Variants in P2RY12 observed in about 807,000 individuals in gnomAD.
P2RY12 encodes purinergic receptor P2Y12.
P2RY12 carries 3 observed loss-of-function variants against 4.5 expected under a neutral mutation model. The ratio of observed to expected loss-of-function variants is 0.67; its 90% CI spans 0.31 to 1.74. P2RY12 has a LOEUF of 1.74. Among genes scored for constraint, P2RY12 ranks in the 40% most tolerant of loss-of-function variants. P2RY12 has a pLI of 0.09. For synonymous variants in P2RY12, 148 were observed against 154.1 expected (o/e 0.96, Z 0.29); for missense variants, 356 against 407.8 (o/e 0.87, Z 1.09).
rs547261054 is a variant in P2RY12 at position 151,340,606 on chromosome 3, T to C, written c.-25A>G. The C allele has an allele frequency of 3.4e-4, 52 of 152,718 alleles. No homozygotes were observed. The highest frequency in any genetic ancestry group is 1.3e-3 in the African/African-American group (52 of 41,578). 9.5% of individuals were successfully genotyped at this position (152,718 alleles called of 1,614,324 possible). On this transcript the variant is annotated 5_prime_UTR_variant, in exon 2 of 3. Coordinates refer to ENST00000302632, the MANE Select transcript of P2RY12 (RefSeq NM_022788.5). The stretch of plus-strand genomic sequence containing the variant: ...TAGAAATAACATTACCTGATAACTG[T>C]TGATTCTGGAGGGTTTGAATGTATC...
chr3:151,368,614 T>C lies in P2RY12; in HGVS notation c.-180+16078A>G, dbSNP rs74627613. On this transcript the variant is annotated intron_variant, in intron 1 of 2. Coordinates refer to ENST00000302632, the MANE Select transcript of P2RY12 (RefSeq NM_022788.5). ...TATTTTATTTTATTTTATTTTATTT[T>C]ATTTTATTTTATTTTATTTCATTTC... Among the ~76,000 whole-genome samples the C allele has an allele frequency of 1.7e-3, 124 of 74,128 alleles. 2 individuals are homozygous for C. The highest frequency in any genetic ancestry group is 0.014 in the East Asian group (47 of 3,380). 48.6% of individuals were successfully genotyped at this position (74,128 alleles called of 152,430 possible).
At chr3:151,346,274 AGTTATCT>A (rs1247668714) in intron 1 of P2RY12, among the ~76,000 whole-genome samples, 1 of 152,002 alleles carries the variant, frequency 6.6e-6, no homozygotes, top group Non-Finnish European at 1.5e-5. Context: ...CTTTATCATC[AGTTATCT>A]GTTCCCCAAT....
intron 1 of P2RY12, chr3:151,377,019 A>G: frequency 6.2e-7 from 1 of 1,614,040 alleles, no homozygotes; most frequent in East Asian, 2.2e-5. Flanking sequence ...GAAATGAACA[A>G]CTTACTGGAC....
chr3:151,373,464 A>G (rs1027531991), intron 1 of P2RY12, among the ~76,000 whole-genome samples: 2 of 152,038 alleles, frequency 1.3e-5, no homozygotes, highest in African/African-American at 4.8e-5. Context: ...AGACAGTGCA[A>G]ATTTTCTTCT....
chr3:151,379,975 A>G (rs567894372), intron 1 of P2RY12: 1 of 559,230 alleles, frequency 1.8e-6, no homozygotes, highest in Admixed American at 3.7e-5. Context: ...TAGAGGTATG[A>G]TTTAAATTTT....
chr3:151,384,018 A>G, intron 1 of P2RY12: 1 of 1,541,844 alleles, frequency 6.5e-7, no homozygotes, highest in Non-Finnish European at 8.8e-7. Context: ...TTGAATAAAA[A>G]TACTCAGTTA....
rs893063455 is a variant in P2RY12, at chr3:151,337,265, G to A, written c.*552C>T. The A allele has an allele frequency of 6.6e-6, 1 of 152,430 alleles. No homozygotes were observed. Among genetic ancestry groups the A allele is most frequent in the African/African-American group, 2.4e-5 (1 of 41,378 alleles). The allele number at this position is 152,430 out of a possible 1,614,324, so 9.4% of individuals were successfully genotyped here. On this transcript the variant is annotated 3_prime_UTR_variant, in exon 3 of 3. Coordinates refer to ENST00000302632, the MANE Select transcript of P2RY12 (RefSeq NM_022788.5). ...GTCCAATCAAATACAGTTTCAATTA[G>A]TTTAAATCCCTTAGGTTTTTGCTAA...
chr3:151,384,472 A>C (rs1161677878), intron 1 of P2RY12, among the ~76,000 whole-genome samples: 1 of 152,204 alleles, frequency 6.6e-6, no homozygotes, highest in Admixed American at 6.5e-5. Context: ...ATCCACTGTT[A>C]AATATATAAC....
intron 1 of P2RY12, chr3:151,376,081 A>T: frequency 6.2e-7 from 1 of 1,611,006 alleles, no homozygotes; most frequent in Non-Finnish European, 8.5e-7. Flanking sequence ...ACAGACAAAG[A>T]ACTTATATTG....
At position 151,338,621 on chromosome 3, in the gene P2RY12, C is replaced by G; in HGVS notation, c.225G>C (p.Leu75=). 6.2e-7 allele frequency: 1 copy of G among 1,613,856 alleles called. No homozygotes were observed. The highest frequency in any genetic ancestry group is 2.2e-5 in the East Asian group (1 of 44,878). The part of the protein sequence containing the change: ...NTVISDLLMI[L]TFPFKILSDA... ...CACTAAGAATTTTGAATGGAAAAGTCAGAATCATGAGAAGATCAGAAATGA... is the reference window on the plus strand; with the variant it reads ...CACTAAGAATTTTGAATGGAAAAGTGAGAATCATGAGAAGATCAGAAATGA... Residue 75 remains leucine (L), a synonymous_variant, in exon 3 of 3, where the codon CTG becomes CTC. Coordinates refer to ENST00000302632, the MANE Select transcript of P2RY12 (RefSeq NM_022788.5).
chr3:151,356,074 A>G (rs1278014414), intron 1 of P2RY12: 1 of 1,591,934 alleles, frequency 6.3e-7, no homozygotes, highest in East Asian at 2.3e-5. Flanking sequence ...TACTTTTAGG[A>G]AAGCAAATCC....
intron 1 of P2RY12, chr3:151,377,215 T>G (rs1756958200): frequency 6.4e-7 from 1 of 1,555,136 alleles, no homozygotes; most frequent in Admixed American, 1.9e-5. Flanking sequence ...CTGTCATGAA[T>G]TTTTCACAAG....
chr3:151,375,913 T>C, intron 1 of P2RY12: 1 of 587,742 alleles, frequency 1.7e-6, no homozygotes, highest in Non-Finnish European at 2.5e-6. Flanking sequence ...TTTTTTAAAT[T>C]GGAAAATTCC....
At chr3:151,383,642 AAAGAT>A (rs1400416306) in intron 1 of P2RY12, 4 of 589,324 alleles carry the variant, frequency 6.8e-6, no homozygotes, top group Middle Eastern at 3.0e-4. Flanking sequence ...GTAAAAGAGA[AAAGAT>A]AAGGTAATCT....
intron 1 of P2RY12, 87 bp from the exon 2 acceptor site, chr3:151,340,847 A>G (rs991982987): frequency 6.6e-6 from 1 of 152,450 alleles, no homozygotes; most frequent in African/African-American, 2.4e-5. Context: ...GCAGACACTG[A>G]ATTTCTATCT....
At chr3:151,350,181 T>G in intron 1 of P2RY12, 1 of 1,613,882 alleles carries the variant, frequency 6.2e-7, no homozygotes, top group Non-Finnish European at 8.5e-7. Flanking sequence ...AAATTCTAAA[T>G]AAGAAGAGCA....
intron 1 of P2RY12, among the ~76,000 whole-genome samples, chr3:151,348,340 CAAAAA>C (rs11382065): frequency 0.012 from 1,050 of 87,838 alleles, 16 homozygotes; most frequent in African/African-American, 0.041. Context: ...ACCACCAGAC[CAAAAA>C]AAAAAAAAAA....
intron 1 of P2RY12, chr3:151,367,859 G>T (rs1320256533): frequency 2.8e-6 from 4 of 1,406,836 alleles, no homozygotes; most frequent in Non-Finnish European, 2.9e-6. Context: ...GAGTATTTGA[G>T]GGTATGTATA....
At chr3:151,382,714 T>G (rs747158692) in intron 1 of P2RY12, 1 of 1,612,818 alleles carries the variant, frequency 6.2e-7, no homozygotes, top group Non-Finnish European at 8.5e-7. Flanking sequence ...CGGCAGATGA[T>G]GCACGAAGCA....
Sources: allele counts gnomAD v4.1 joint callset (sites outside exome capture counted in the v4.1 genomes callset), GRCh38; gene constraint gnomAD v4.1.1; transcripts MANE v1.5; gene names NCBI Gene and HGNC (gene_info 2026-07-23, HGNC 2026-07-21).